PRKCE: variants seen among roughly 807,000 people sequenced by gnomAD.
PRKCE encodes protein kinase C epsilon.
PRKCE carries 16 observed loss-of-function variants against 85.4 expected under a neutral mutation model. The observed-to-expected ratio is 0.19, with a 90% confidence interval of 0.13 to 0.28. The LOEUF (loss-of-function observed/expected upper bound fraction) is 0.28. Ranked by LOEUF, PRKCE falls within the 10% of genes least tolerant of loss-of-function variation. The probability of loss-of-function intolerance (pLI) is 1.00; values close to 1 mark genes in which losing one functional copy is unlikely to be tolerated. For synonymous variants in PRKCE, 388 were observed against 371.5 expected (o/e 1.04, Z -0.51); for missense variants, 573 against 975.2 (o/e 0.59, Z 5.49).
chr2:45,861,737 C>A (rs1693176841), intron 2 of PRKCE, among the ~76,000 whole-genome samples: 1 of 152,080 alleles, frequency 6.6e-6, no homozygotes, highest in Non-Finnish European at 1.5e-5. Context: ...GATGAACCTG[C>A]CTAGGTAGTG....
intron 2 of PRKCE, among the ~76,000 whole-genome samples, chr2:45,877,910 A>T (rs745647408): frequency 6.6e-6 from 1 of 152,242 alleles, no homozygotes; most frequent in African/African-American, 2.4e-5. Flanking sequence ...AAGAACAGGA[A>T]CTTCACCGAA....
intron 1 of PRKCE, among the ~76,000 whole-genome samples, chr2:45,810,061 A>G (rs1464588092): frequency 6.6e-6 from 1 of 151,496 alleles, no homozygotes; most frequent in Non-Finnish European, 1.5e-5. Context: ...TTTTTTTGAG[A>G]TGAAGTCTCG....
At chr2:45,885,001 A>ATATATATTTTTTTTTTT (rs1342824133) in intron 2 of PRKCE, among the ~76,000 whole-genome samples, 1 of 71,544 alleles carries the variant, frequency 1.4e-5, no homozygotes, top group Non-Finnish European at 2.7e-5. Context: ...ATATATATAT[A>ATATATATTTTTTTTTTT]TTTGTTGTTG....
intron 1 of PRKCE, among the ~76,000 whole-genome samples, chr2:45,672,400 A>T (rs756149420): frequency 2.6e-5 from 4 of 151,934 alleles, no homozygotes; most frequent in Non-Finnish European, 5.9e-5. Context: ...CCATCCATCT[A>T]TGTATCCATC....
intron 2 of PRKCE, among the ~76,000 whole-genome samples, chr2:45,885,688 C>A (rs1028942930): frequency 6.6e-6 from 1 of 152,196 alleles, no homozygotes; most frequent in Non-Finnish European, 1.5e-5. Flanking sequence ...CTAGCCAAAG[C>A]AAACACTTCA....
At chr2:45,893,919 T>C (rs1391437346) in intron 2 of PRKCE, among the ~76,000 whole-genome samples, 2 of 152,146 alleles carry the variant, frequency 1.3e-5, no homozygotes, top group Non-Finnish European at 2.9e-5. Context: ...TGGGGCTCTA[T>C]GGCCACAATC....
chr2:45,790,182 T>TA (rs1346713088), intron 1 of PRKCE, among the ~76,000 whole-genome samples: 2 of 152,168 alleles, frequency 1.3e-5, no homozygotes, highest in Non-Finnish European at 2.9e-5. Context: ...CACATATGCA[T>TA]AAATGAGAGC....
chr2:45,879,848 C>T (rs1694753954), intron 2 of PRKCE, among the ~76,000 whole-genome samples: 3 of 152,202 alleles, frequency 2.0e-5, no homozygotes, highest in African/African-American at 7.2e-5. Flanking sequence ...ATTAGCATAT[C>T]CACAATCTCA....
intron 1 of PRKCE, among the ~76,000 whole-genome samples, chr2:45,671,550 C>T (rs1172794432): frequency 2.6e-5 from 4 of 152,186 alleles, no homozygotes; most frequent in Non-Finnish European, 5.9e-5. Context: ...TTCTTTCCTT[C>T]CTACCTTATT....
At chr2:45,902,503 G>A (rs1301512992) in intron 2 of PRKCE, among the ~76,000 whole-genome samples, 1 of 152,164 alleles carries the variant, frequency 6.6e-6, no homozygotes, top group Non-Finnish European at 1.5e-5. Context: ...GTCAAATCAG[G>A]ATATTTGGAT....
At chr2:46,054,489 T>C (rs1257655262) in intron 10 of PRKCE, among the ~76,000 whole-genome samples, 2 of 152,194 alleles carry the variant, frequency 1.3e-5, no homozygotes, top group African/African-American at 4.8e-5. Flanking sequence ...TCTCCACATA[T>C]CTAAAGTGTT....
rs1667038007 is a variant in PRKCE, at chr2:46,060,767, GT to G, written c.1438-25435del. 5.5e-5 allele frequency among the ~76,000 whole-genome samples: 6 copies of G among 108,274 alleles called. No individual in the cohort carries two copies. The East Asian group carries it at 7.5e-4, about 13-fold the overall frequency. 71.0% of individuals were successfully genotyped at this position (108,274 alleles called of 152,430 possible). On this transcript the variant is annotated intron_variant, in intron 10 of 14. Coordinates refer to ENST00000306156, the MANE Select transcript of PRKCE (RefSeq NM_005400.3). ...TCCTTTTTTTTTTTTTTGTTTTTTTGTTTTTTGTTTTTGAGACAGAGTCTCA... is the reference window on the plus strand; with the variant it reads ...TCCTTTTTTTTTTTTTTGTTTTTTTGTTTTTGTTTTTGAGACAGAGTCTCA...
At chr2:45,693,861 C>G (rs535734657) in intron 1 of PRKCE, among the ~76,000 whole-genome samples, 9 of 151,788 alleles carry the variant, frequency 5.9e-5, no homozygotes, top group Admixed American at 5.9e-4. Context: ...ATTGATAAGG[C>G]GAATTCTGGA....
In PRKCE at chr2:46,184,969, T is replaced by G. The variant is rs1680349770; in HGVS notation, c.*88T>G. On this transcript the variant is annotated 3_prime_UTR_variant, in exon 15 of 15. Transcript: ENST00000306156. The surrounding 1 kb of genome is among the most constrained non-coding windows in gnomAD (Gnocchi z 5.0). ...TGGAGACACTCAGCAGGTCTTGAAC[T>G]ACTTCTCCTCCTCGGAGCCCCAGTC... is the stretch of plus-strand genomic sequence containing the variant. 2 of 1,516,264 alleles carry G rather than the reference T, an allele frequency of 1.3e-6. No homozygotes were observed. The highest frequency in any genetic ancestry group is 1.8e-6 in the Non-Finnish European group (2 of 1,120,984). The allele number at this position is 1,516,264 out of a possible 1,614,324, so 93.9% of individuals were successfully genotyped here. A position where few individuals can be genotyped will look rare whatever the true frequency, so the allele number is the denominator to read the frequency against.
chr2:45,679,791 C>A (rs1030555831), intron 1 of PRKCE, among the ~76,000 whole-genome samples: 1 of 152,128 alleles, frequency 6.6e-6, no homozygotes, highest in South Asian at 2.1e-4. Flanking sequence ...GGCACTTTGC[C>A]TTCCTTCTTC....
intron 1 of PRKCE, among the ~76,000 whole-genome samples, chr2:45,822,666 G>A (rs1026581256): frequency 1.2e-4 from 19 of 152,182 alleles, no homozygotes; most frequent in Admixed American, 9.8e-4. Context: ...TTAAGTGGTG[G>A]TTGGGGTGCC....
At chr2:45,734,099 G>A (rs1423285924) in intron 1 of PRKCE, among the ~76,000 whole-genome samples, 2 of 152,210 alleles carry the variant, frequency 1.3e-5, no homozygotes, top group African/African-American at 2.4e-5. Flanking sequence ...GGGTGCGGTG[G>A]CTCACGCCTG....
chr2:45,830,395 A>G (rs1209396570), intron 1 of PRKCE, among the ~76,000 whole-genome samples: 2 of 152,216 alleles, frequency 1.3e-5, no homozygotes, highest in Non-Finnish European at 2.9e-5. Context: ...TGGAAACTCA[A>G]GATATTGTCA....
chr2:45,927,177 A>C lies in PRKCE; in HGVS notation c.413-49252A>C, dbSNP rs78942711. On this transcript the variant is annotated intron_variant, in intron 2 of 14. Coordinates refer to ENST00000306156, the MANE Select transcript of PRKCE (RefSeq NM_005400.3). ...GACACAGGATGGTAAGAAGTATAGA[A>C]TGTGTATAGTCCATGTGTGAGTGTG... Among the ~76,000 whole-genome samples the C allele has an allele frequency of 3.5e-3, 527 of 151,954 alleles. 4 individuals carry two copies. The highest frequency in any genetic ancestry group is 0.012 in the African/African-American group (501 of 41,476).
Sources: gnomAD v4.1 joint callset for allele counts (sites outside exome capture counted in the v4.1 genomes callset) on GRCh38, gnomAD v4.1.1 for gene constraint, Gnocchi (gnomAD v3.1) non-coding constraint, MANE v1.5 for transcripts, NCBI Gene and HGNC (gene_info 2026-07-23, HGNC 2026-07-21) for gene names.